Variants in ATRNL1 observed in about 807,000 individuals in gnomAD.
ATRNL1 encodes the protein attractin like 1, also known as attractin-like protein 1.
Under a neutral mutation model 182.7 loss-of-function variants are expected in ATRNL1, and 95 were observed. That is an observed-to-expected ratio of 0.52 (90% CI 0.44 to 0.62). The LOEUF (loss-of-function observed/expected upper bound fraction) is 0.62. Ranked by LOEUF, ATRNL1 falls within the 20% of genes least tolerant of loss-of-function variation. The probability of loss-of-function intolerance (pLI) is 0.00; values close to 1 mark genes in which losing one functional copy is unlikely to be tolerated. For synonymous variants in ATRNL1, 576 were observed against 568.3 expected, an observed-to-expected ratio of 1.01 and a Z score of -0.19; for missense variants, 1,471 against 1,679.5, an observed-to-expected ratio of 0.88 and a Z score of 2.17.
chr10:115,619,680 G>C (rs1857619305), intron 26 of ATRNL1, among the ~76,000 whole-genome samples: 1 of 152,084 alleles, frequency 6.6e-6, no homozygotes, highest in African/African-American at 2.4e-5. Context: ...ATCTCATTTG[G>C]ATATGACCCA....
intron 8 of ATRNL1, among the ~76,000 whole-genome samples, chr10:115,197,628 G>T (rs1363271924): frequency 2.6e-5 from 4 of 151,818 alleles, no homozygotes; most frequent in Non-Finnish European, 5.9e-5. Context: ...TTGTCCCTCA[G>T]TATATATGGG....
intron 20 of ATRNL1, among the ~76,000 whole-genome samples, chr10:115,424,313 C>T (rs1482957062): frequency 2.0e-5 from 3 of 152,168 alleles, no homozygotes; most frequent in Admixed American, 6.6e-5. Context: ...GAAAGAGGAT[C>T]TTCTATCCAC....
intron 20 of ATRNL1, among the ~76,000 whole-genome samples, chr10:115,405,630 A>G (rs1259570499): frequency 1.3e-5 from 2 of 152,044 alleles, no homozygotes; most frequent in African/African-American, 4.8e-5. Context: ...ATGTGATCCT[A>G]TTCAATGTTG....
chr10:115,344,126 C>T (rs1018698706), intron 19 of ATRNL1, among the ~76,000 whole-genome samples: 7 of 152,162 alleles, frequency 4.6e-5, no homozygotes, highest in African/African-American at 7.2e-5. Flanking sequence ...TGTATGCACT[C>T]ACTGGTTACT....
chr10:115,421,207 T>G (rs1845636800), intron 20 of ATRNL1, among the ~76,000 whole-genome samples: 2 of 152,208 alleles, frequency 1.3e-5, no homozygotes, highest in South Asian at 4.2e-4. Context: ...AGGCCAGCAT[T>G]ACCCTGATAA....
intron 26 of ATRNL1, among the ~76,000 whole-genome samples, chr10:115,633,289 C>T (rs1386894707): frequency 1.3e-5 from 2 of 152,152 alleles, no homozygotes; most frequent in Non-Finnish European, 2.9e-5. Flanking sequence ...GGGATAACCA[C>T]TTCTATCTTG....
intron 26 of ATRNL1, among the ~76,000 whole-genome samples, chr10:115,648,744 A>G (rs138330040): frequency 1.0e-3 from 159 of 152,314 alleles, no homozygotes; most frequent in African/African-American, 3.6e-3. Context: ...AACTCTATTT[A>G]AGGTAGTTTA....
At chr10:115,829,707 A>T (rs903611854) in intron 27 of ATRNL1, among the ~76,000 whole-genome samples, 3 of 151,778 alleles carry the variant, frequency 2.0e-5, no homozygotes, top group Admixed American at 2.0e-4. Flanking sequence ...AAATCAAGGG[A>T]TTTTCTTTTC....
chr10:115,121,897 A>G (rs781862209), intron 3 of ATRNL1, 85 bp downstream of exon 3: 9 of 587,304 alleles, frequency 1.5e-5, no homozygotes, highest in Non-Finnish European at 2.4e-5. Context: ...TGCAAAATAA[A>G]TTTAGTAAAG....
chr10:115,151,647 A>G (rs1554880642), intron 5 of ATRNL1, among the ~76,000 whole-genome samples: 2 of 152,048 alleles, frequency 1.3e-5, no homozygotes, highest in Non-Finnish European at 2.9e-5. Context: ...CATTGCAAAA[A>G]CTTTCTCCCA....
chr10:115,163,402 C>T (rs1846891849), intron 6 of ATRNL1, among the ~76,000 whole-genome samples: 1 of 148,142 alleles, frequency 6.8e-6, no homozygotes, highest in Non-Finnish European at 1.5e-5. Flanking sequence ...TTTTATCTGT[C>T]ACCCAGGCTG....
chr10:115,155,286 G>A (rs184852899), intron 5 of ATRNL1, among the ~76,000 whole-genome samples: 36 of 151,556 alleles, frequency 2.4e-4, no homozygotes, highest in Middle Eastern at 3.4e-3. Flanking sequence ...TAAGTGGAAG[G>A]TTTAATTTGT....
At chr10:115,237,764 A>G (rs1011074903) in intron 9 of ATRNL1, among the ~76,000 whole-genome samples, 2 of 152,118 alleles carry the variant, frequency 1.3e-5, no homozygotes, top group Non-Finnish European at 1.5e-5. Context: ...TTCATCATTT[A>G]TGCTTTTGTT....
At chr10:115,309,550 G>A (rs782299852) in intron 17 of ATRNL1, among the ~76,000 whole-genome samples, 19 of 152,070 alleles carry the variant, frequency 1.2e-4, no homozygotes, top group Non-Finnish European at 2.6e-4. Context: ...AAGGGGTTGA[G>A]TTCTTGATTT....
At chr10:115,416,132 G>T (rs542537456) in intron 20 of ATRNL1, among the ~76,000 whole-genome samples, 8 of 152,026 alleles carry the variant, frequency 5.3e-5, no homozygotes, top group South Asian at 2.1e-4. Flanking sequence ...GATTATCTTT[G>T]AAATTAATTG....
chr10:115,568,933 G>A (rs150988424), intron 26 of ATRNL1, among the ~76,000 whole-genome samples: 102 of 151,826 alleles, frequency 6.7e-4, no homozygotes, highest in African/African-American at 2.4e-3. Context: ...GTGTAAACAT[G>A]TATCCCTCCT....
At chr10:115,839,054 T>G (rs1371859976) in intron 27 of ATRNL1, among the ~76,000 whole-genome samples, 1 of 152,198 alleles carries the variant, frequency 6.6e-6, no homozygotes, top group Admixed American at 6.6e-5. Context: ...TGATTCCTCA[T>G]TAAGCATTAA....
intron 28 of ATRNL1, among the ~76,000 whole-genome samples, chr10:115,858,436 G>C (rs1338855787): frequency 6.6e-6 from 1 of 152,108 alleles, no homozygotes; most frequent in African/African-American, 2.4e-5. Flanking sequence ...AACTAACACA[G>C]GAAGAGAAAG....
rs114608314 is a variant in ATRNL1 at position 115,912,848 on chromosome 10, G to C, written c.4019-31810G>C. Among the ~76,000 whole-genome samples, 1,028 of 152,216 alleles carry C rather than the reference G, an allele frequency of 6.8e-3. 10 individuals carry two copies. The highest frequency in any genetic ancestry group is 0.024 in the African/African-American group (995 of 41,538). On this transcript the variant is annotated intron_variant, in intron 28 of 28. Coordinates refer to ENST00000355044, the MANE Select transcript of ATRNL1 (RefSeq NM_207303.4). ...ATGGTAGAAATGGTGGGTGACAAGGGGCTTCCTCCACACAAGGCAGGGAGG... is the reference window on the plus strand; with the variant it reads ...ATGGTAGAAATGGTGGGTGACAAGGCGCTTCCTCCACACAAGGCAGGGAGG...
Sources: gnomAD v4.1 joint callset for allele counts (sites outside exome capture counted in the v4.1 genomes callset) on GRCh38, gnomAD v4.1.1 for gene constraint, MANE v1.5 for transcripts, NCBI Gene and HGNC (gene_info 2026-07-23, HGNC 2026-07-21) for gene names.